Variants in USP1 observed in about 807,000 individuals in gnomAD.
The protein encoded by USP1 is ubiquitin specific peptidase 1, also known as ubiquitin carboxyl-terminal hydrolase 1.
USP1 carries 18 observed loss-of-function variants against 72.2 expected under a neutral mutation model. That is an observed-to-expected ratio of 0.25 (90% CI 0.17 to 0.37). The LOEUF is 0.37. Among genes scored for constraint, USP1 ranks in the 10% least tolerant of loss-of-function variants. The probability of loss-of-function intolerance (pLI) is 1.00; values close to 1 mark genes in which losing one functional copy is unlikely to be tolerated. For synonymous variants in USP1, 354 were observed against 303.7 expected (o/e 1.17, Z -1.72); for missense variants, 759 against 884.9 (o/e 0.86, Z 1.81).
At chr1:62,441,937 T>C (rs950435785) in intron 3 of USP1, among the ~76,000 whole-genome samples, 1 of 152,142 alleles carries the variant, frequency 6.6e-6, no homozygotes, top group Non-Finnish European at 1.5e-5. Context: ...GTGTTGTGTG[T>C]CCGTTGGCGC....
rs982923415 is a variant in USP1, at chr1:62,441,372, T to G, written c.171-116T>G. 1.2e-5 allele frequency: 15 copies of G among 1,235,796 alleles called. No homozygotes were observed. The Admixed American group carries it at 4.7e-4, about 39-fold the overall frequency. 76.6% of individuals were successfully genotyped at this position (1,235,796 alleles called of 1,614,324 possible). On this transcript the variant is annotated intron_variant, in intron 2 of 8. Transcript: ENST00000339950. The stretch of plus-strand genomic sequence containing the variant: ...TTCTTAAAATGTCATCTGAACAAGA[T>G]TCACATACTTTTCAGATTATACAAC...
chr1:62,436,910 C>T (rs1329123397), upstream of USP1: 6 of 389,066 alleles, frequency 1.5e-5, no homozygotes, highest in Non-Finnish European at 2.7e-5. Context: ...GTGCCAGGGG[C>T]GAGTGGCCGT....
At position 62,450,570 on chromosome 1, in the gene USP1, T is replaced by G. The variant is rs754451154; in HGVS notation, c.1947T>G (p.Gly649=). ...ATGAAGAAGTGTCAATTAGAGTTGG[T>G]GGAAATACACAGCCAAGTAAAGTTT... ...YNDEEVSIRV[G]GNTQPSKVLN... Residue 649 remains glycine (G), a synonymous_variant, in exon 9 of 9, where the codon GGT becomes GGG. Coordinates refer to ENST00000339950, the MANE Select transcript of USP1 (RefSeq NM_003368.5). The G allele has an allele frequency of 1.2e-6, 2 of 1,613,932 alleles. No homozygotes were observed. The highest frequency in any genetic ancestry group is 1.7e-6 in the Non-Finnish European group (2 of 1,180,012).
At chr1:62,444,030 A>C (rs1645151530) in intron 5 of USP1, among the ~76,000 whole-genome samples, 2 of 152,072 alleles carry the variant, frequency 1.3e-5, no homozygotes, top group African/African-American at 4.8e-5. Context: ...AGGTGAAGGT[A>C]GGTGGGTCAT....
intron 1 of USP1, among the ~76,000 whole-genome samples, chr1:62,439,251 C>A (rs181271425): frequency 2.0e-5 from 3 of 152,208 alleles, no homozygotes; most frequent in Non-Finnish European, 2.9e-5. Flanking sequence ...ATGGCACGAT[C>A]TCGGCTCACT....
In USP1 at chr1:62,450,622, G is replaced by C; in HGVS notation, c.1999G>C (p.Gly667Arg). Residue 667 changes from glycine to arginine, a missense_variant, in exon 9 of 9, where the codon GGA becomes CGA. This residue lies in a region of USP1 where 159 missense variants were observed against 140.9 expected (regional missense o/e 1.13). Coordinates refer to ENST00000339950, the MANE Select transcript of USP1 (RefSeq NM_003368.5). ...GAACAAAAAAAATGTAGAAGCTATT[G>C]GACTTCTTGGAGGACAAAAGAGCAA... ...VLNKKNVEAI[G>R]LLGGQKSKAD... is the part of the protein sequence containing the mutation. 1 of 1,614,022 alleles carries C rather than the reference G, an allele frequency of 6.2e-7. No homozygotes were observed.
At position 62,440,178 on chromosome 1, in the gene USP1, T is replaced by C; in HGVS notation, c.170+141T>C. On this transcript the variant is annotated intron_variant, in intron 2 of 8. Coordinates refer to ENST00000339950, the MANE Select transcript of USP1 (RefSeq NM_003368.5). ...TGTACTTCTTAGTCAAATCTAGCAG[T>C]TTATAGTAGGAACAGCAAAACTGGT... 4.5e-6 allele frequency: 3 copies of C among 664,250 alleles called. No homozygotes were observed. In the Admixed American group the frequency reaches 1.3e-4, roughly 28 times the overall value. The allele number at this position is 664,250 out of a possible 1,614,324, so 41.1% of individuals were successfully genotyped here. A position where few individuals can be genotyped will look rare whatever the true frequency, so the allele number is the denominator to read the frequency against.
intron 3 of USP1, among the ~76,000 whole-genome samples, chr1:62,441,867 T>A (rs1645136492): frequency 6.6e-6 from 1 of 152,204 alleles, no homozygotes; most frequent in Non-Finnish European, 1.5e-5. Context: ...AATTTCTTTC[T>A]CTGATTCCTG....
upstream of USP1, chr1:62,436,773 G>C (rs1645090083): frequency 8.9e-6 from 2 of 223,780 alleles, no homozygotes; most frequent in East Asian, 8.8e-5. Flanking sequence ...CAGGCCGCTA[G>C]CACCTCGCGC....
At chr1:62,447,315 C>T in intron 6 of USP1, 26 bp from the exon 7 acceptor site, 3 of 1,603,810 alleles carry the variant, frequency 1.9e-6, no homozygotes, top group Non-Finnish European at 2.6e-6. Context: ...TCTGTATAGA[C>T]TTACATTTTC....
At chr1:62,440,773 A>G (rs1218436139) in intron 2 of USP1, among the ~76,000 whole-genome samples, 3 of 152,196 alleles carry the variant, frequency 2.0e-5, no homozygotes, top group Admixed American at 6.5e-5. Flanking sequence ...ATAGCTAGCA[A>G]TCGTAAAATA....
chr1:62,448,033 G>A (rs974402071), intron 7 of USP1, among the ~76,000 whole-genome samples: 1 of 152,088 alleles, frequency 6.6e-6, no homozygotes, highest in Non-Finnish European at 1.5e-5. Flanking sequence ...TGATCCGCCC[G>A]CCTTGGCCTC....
intron 4 of USP1, 133 bp downstream of exon 4, chr1:62,442,432 G>T: frequency 3.2e-6 from 2 of 627,234 alleles, no homozygotes; most frequent in Non-Finnish European, 5.3e-6. Flanking sequence ...CTATTGTCAG[G>T]CAATTATTTT....
chr1:62,439,902 T>C lies in USP1; in HGVS notation c.35T>C (p.Leu12Pro), dbSNP rs1340065252. ...GTCATACCTAGTGAAAGTAATGGAC[T>C]TTCAAGAGGTAGCCCTTCAAAGAAA... is the stretch of plus-strand genomic sequence containing the variant. ...PGVIPSESNG[L>P]SRGSPSKKNR... Residue 12 changes from leucine to proline, a missense_variant, in exon 2 of 9, where the codon CTT becomes CCT. By Grantham distance (98) the Leu-to-Pro change is moderately conservative. This residue lies in a region of USP1 where 86 missense variants were observed against 82.0 expected (regional missense o/e 1.05). Coordinates refer to ENST00000339950, the MANE Select transcript of USP1 (RefSeq NM_003368.5). The C allele has an allele frequency of 6.5e-7, 1 of 1,538,280 alleles. No homozygotes were observed. Among genetic ancestry groups the C allele is most frequent in the Non-Finnish European group, 8.7e-7 (1 of 1,149,050 alleles).
chr1:62,449,336 C>G (rs1645197637), intron 8 of USP1, among the ~76,000 whole-genome samples: 1 of 151,996 alleles, frequency 6.6e-6, no homozygotes, highest in African/African-American at 2.4e-5. Flanking sequence ...TTAAGGTAAG[C>G]CAGGAAATCA....
At chr1:62,441,420 C>T in intron 2 of USP1, 68 bp from the exon 3 acceptor site, 1 of 1,448,342 alleles carries the variant, frequency 6.9e-7, no homozygotes, top group Middle Eastern at 2.0e-4. Flanking sequence ...ACTAAATCTA[C>T]AGAAGTAATA....
rs1375159919 is a variant in USP1 at position 62,447,241 on chromosome 1, TGTTA to T, written c.1250-99_1250-96del. On this transcript the variant is annotated intron_variant, in intron 6 of 8. Coordinates refer to ENST00000339950, the MANE Select transcript of USP1 (RefSeq NM_003368.5). ...ATAAGCTGATCTATGAAAATGGAACTGTTATTCATGATATACTTTATTTAAATGG... is the reference window on the plus strand; with the variant it reads ...ATAAGCTGATCTATGAAAATGGAACTTTCATGATATACTTTATTTAAATGG... 3.5e-6 allele frequency: 4 copies of T among 1,153,018 alleles called. No homozygotes were observed. In the African/African-American group the frequency reaches 4.7e-5, roughly 14 times the overall value. The allele number at this position is 1,153,018 out of a possible 1,614,324, so 71.4% of individuals were successfully genotyped here.
intron 4 of USP1, 82 bp downstream of exon 4, chr1:62,442,381 C>CT (rs1423227432): frequency 6.2e-6 from 6 of 969,854 alleles, no homozygotes; most frequent in African/African-American, 3.3e-5. Context: ...ATGAAGAGGA[C>CT]TGGGGGGGTG....
chr1:62,450,963 A>G lies in USP1; in HGVS notation c.2340A>G (p.Leu780=), dbSNP rs1189952552. 1 of 1,592,428 alleles carries G rather than the reference A, an allele frequency of 6.3e-7. No individual in the cohort carries two copies. Among genetic ancestry groups the G allele is most frequent in the Non-Finnish European group, 8.5e-7 (1 of 1,173,960 alleles). ...STSPTSTPYL[L]FYKKL Reference sequence around the variant, plus strand: ...CTCCTACTTCTACTCCTTACTTGCTATTTTATAAGAAATTATAGAGTGAGT... The same window carrying G: ...CTCCTACTTCTACTCCTTACTTGCTGTTTTATAAGAAATTATAGAGTGAGT... Residue 780 remains leucine (L), a synonymous_variant, in exon 9 of 9, where the codon CTA becomes CTG. Coordinates refer to ENST00000339950, the MANE Select transcript of USP1 (RefSeq NM_003368.5).
Sources: gnomAD v4.1 joint callset for allele counts (sites outside exome capture counted in the v4.1 genomes callset) on GRCh38, gnomAD v4.1.1 for gene constraint, gnomAD v4.1.1 regional missense constraint, MANE v1.5 for transcripts, NCBI Gene and HGNC (gene_info 2026-07-23, HGNC 2026-07-21) for gene names.